Variants in NRG1 observed in about 807,000 individuals in gnomAD.
NRG1 encodes neuregulin 1.
A neutral mutation model predicts 63.8 loss-of-function variants in NRG1; 18 were observed. The observed-to-expected ratio is 0.28, with a 90% CI of 0.19 to 0.42. The LOEUF (loss-of-function observed/expected upper bound fraction) is 0.42. NRG1 is among the 10% of genes least tolerant of loss of function. The pLI is 1.00. For synonymous variants in NRG1, 302 were observed against 301.3 expected (o/e 1.00, Z -0.02); for missense variants, 762 against 814.7 (o/e 0.94, Z 0.79).
At chr8:32,281,471 C>G (rs1852837850) in intron 1 of NRG1, among the ~76,000 whole-genome samples, 1 of 152,036 alleles carries the variant, frequency 6.6e-6, no homozygotes, top group African/African-American at 2.4e-5. Context: ...AGCCATGGCA[C>G]CCGGCTGGTA....
chr8:31,755,262 T>A (rs1303553330), intron 1 of NRG1, among the ~76,000 whole-genome samples: 2 of 152,238 alleles, frequency 1.3e-5, no homozygotes, highest in South Asian at 2.1e-4. Flanking sequence ...TATATAAACA[T>A]GTCTATACCT....
intron 1 of NRG1, among the ~76,000 whole-genome samples, chr8:32,339,104 A>C (rs1369262437): frequency 1.3e-5 from 2 of 152,194 alleles, no homozygotes; most frequent in Non-Finnish European, 2.9e-5. Context: ...GGTGGTTCAC[A>C]GAAGAATAGA....
At chr8:32,100,077 T>C (rs1305741632) in intron 1 of NRG1, among the ~76,000 whole-genome samples, 1 of 152,012 alleles carries the variant, frequency 6.6e-6, no homozygotes, top group Admixed American at 6.6e-5. Context: ...CTTCCAGCTC[T>C]TCTCCTCCCT....
At chr8:32,172,079 A>T (rs1434022499) in intron 1 of NRG1, among the ~76,000 whole-genome samples, 1 of 152,146 alleles carries the variant, frequency 6.6e-6, no homozygotes, top group Non-Finnish European at 1.5e-5. Flanking sequence ...TGAGTAGCCT[A>T]ACTGGGAGGC....
intron 1 of NRG1, among the ~76,000 whole-genome samples, chr8:32,353,352 AAAT>A (rs1805896352): frequency 1.3e-5 from 2 of 151,402 alleles, no homozygotes; most frequent in African/African-American, 2.4e-5. Context: ...TAAAATCTTA[AAAT>A]AATGATTATA....
At chr8:32,548,981 C>T (rs1833552787) in intron 1 of NRG1, among the ~76,000 whole-genome samples, 155 bp downstream of exon 1, 1 of 152,226 alleles carries the variant, frequency 6.6e-6, no homozygotes, top group Admixed American at 6.5e-5. Context: ...GGTGCTTCCC[C>T]TCCTGGGGGC....
At chr8:31,639,769 A>G in intron 1 of NRG1, 1 of 1,320,896 alleles carries the variant, frequency 7.6e-7, no homozygotes, top group Non-Finnish European at 9.6e-7. Flanking sequence ...TTTTGCCCTT[A>G]TACCTCTTCG....
chr8:32,287,330 A>T (rs1461503642), intron 1 of NRG1: 1 of 152,214 alleles, frequency 6.6e-6, no homozygotes, highest in Non-Finnish European at 1.5e-5. Context: ...CCACACCTTG[A>T]TGGAGGAGAT....
intron 1 of NRG1, among the ~76,000 whole-genome samples, chr8:32,103,942 G>C (rs1324392014): frequency 6.6e-6 from 1 of 152,114 alleles, no homozygotes; most frequent in Non-Finnish European, 1.5e-5. Context: ...TTTATCCAAA[G>C]AATTCACCTG....
chr8:32,591,785 C>T (rs1049398382), intron 1 of NRG1, among the ~76,000 whole-genome samples: 7 of 152,030 alleles, frequency 4.6e-5, no homozygotes, highest in African/African-American at 1.2e-4. Context: ...GAAGAAACCT[C>T]CTTGAGAGCG....
chr8:32,158,242 G>T (rs1010331799), intron 1 of NRG1, among the ~76,000 whole-genome samples: 10 of 151,630 alleles, frequency 6.6e-5, no homozygotes, highest in African/African-American at 2.2e-4. Context: ...CACAACTAGG[G>T]TTGGTCATGG....
At chr8:31,645,500 C>T (rs1474565429) in intron 1 of NRG1, among the ~76,000 whole-genome samples, 1 of 152,128 alleles carries the variant, frequency 6.6e-6, no homozygotes, top group East Asian at 1.9e-4. Flanking sequence ...ATTATCCATA[C>T]AGGTTGAAGC....
intron 1 of NRG1, among the ~76,000 whole-genome samples, chr8:32,016,169 TA>T (rs931111858): frequency 6.6e-6 from 1 of 152,196 alleles, no homozygotes; most frequent in African/African-American, 2.4e-5. Flanking sequence ...CAGGTATAAA[TA>T]AATCTCTCAA....
intron 1 of NRG1, among the ~76,000 whole-genome samples, chr8:32,392,908 C>A (rs1563401803): frequency 6.6e-6 from 1 of 151,896 alleles, no homozygotes; most frequent in African/African-American, 2.4e-5. Flanking sequence ...AGAGAGAGAG[C>A]CCTTGGGATC....
At chr8:31,711,038 C>G (rs1322173123) in intron 1 of NRG1, among the ~76,000 whole-genome samples, 8 of 152,048 alleles carry the variant, frequency 5.3e-5, no homozygotes, top group Non-Finnish European at 7.4e-5. Context: ...GTACTTCTAT[C>G]AGTTTTTTTG....
chr8:31,957,633 T>A (rs552053386), intron 1 of NRG1, among the ~76,000 whole-genome samples: 4 of 152,202 alleles, frequency 2.6e-5, no homozygotes, highest in African/African-American at 7.2e-5. Flanking sequence ...ATATTTTGAA[T>A]TTTTTAGTGG....
At chr8:32,239,172 T>A (rs975601575) in intron 1 of NRG1, among the ~76,000 whole-genome samples, 3 of 151,888 alleles carry the variant, frequency 2.0e-5, no homozygotes, top group African/African-American at 7.3e-5. Context: ...TTTAAAAAGC[T>A]CAATCTAAAA....
intron 1 of NRG1, among the ~76,000 whole-genome samples, chr8:32,519,383 G>A (rs1004571341): frequency 7.2e-5 from 11 of 151,792 alleles, no homozygotes; most frequent in East Asian, 1.9e-4. Context: ...ACAAGTTAAA[G>A]GTTGTTATTT....
At position 32,405,078 on chromosome 8, in the gene NRG1, G is replaced by A. The variant is rs78138801; in HGVS notation, c.38-190750G>A. Among the ~76,000 whole-genome samples, 1,504 of 152,302 alleles carry A rather than the reference G, an allele frequency of 9.9e-3. 86 individuals carry two copies. Among genetic ancestry groups the A allele is most frequent in the Admixed American group, 0.09 (1,377 of 15,296 alleles). On this transcript the variant is annotated intron_variant, in intron 1 of 10. Transcript: ENST00000519301. ...AGTGATTACAAAGGAATGCAATGGG[G>A]CACCATACAGATCTGAATTTGCCAG...
Sources: allele counts gnomAD v4.1 joint callset (sites outside exome capture counted in the v4.1 genomes callset), GRCh38; gene constraint gnomAD v4.1.1; transcripts MANE v1.5; gene names NCBI Gene and HGNC (gene_info 2026-07-23, HGNC 2026-07-21).